Variants in KCNK9 observed in about 807,000 individuals in gnomAD.
The protein encoded by KCNK9 is potassium two pore domain channel subfamily K member 9.
Under a neutral mutation model 10.8 loss-of-function variants are expected in KCNK9, and 1 was observed. The ratio of observed to expected loss-of-function variants is 0.09; its 90% CI spans 0.03 to 0.44. The LOEUF (loss-of-function observed/expected upper bound fraction) is 0.44, where lower values mean the gene tolerates loss of function less well. Among genes scored for constraint, KCNK9 ranks in the 20% least tolerant of loss-of-function variants. KCNK9 has a pLI of 0.97. For missense variants in KCNK9, 303 were observed against 515.0 expected, an observed-to-expected ratio of 0.59 and a Z score of 3.98; for synonymous variants, 231 against 222.7, an observed-to-expected ratio of 1.04 and a Z score of -0.33.
chr8:139,687,863 C>A (rs1426063547), intron 1 of KCNK9, among the ~76,000 whole-genome samples: 1 of 151,654 alleles, frequency 6.6e-6, no homozygotes, highest in Non-Finnish European at 1.5e-5. Flanking sequence ...CCAGACATTT[C>A]ATTTACACAT....
chr8:139,662,664 G>GA (rs1303950580), intron 1 of KCNK9, among the ~76,000 whole-genome samples: 1 of 152,006 alleles, frequency 6.6e-6, no homozygotes, highest in Non-Finnish European at 1.5e-5. Context: ...TCCTGGCCTT[G>GA]AGGGAGGGTC....
rs765537225 is a variant in KCNK9, at chr8:139,702,376, G to A, written c.283+334C>T. 5.3e-5 allele frequency among the ~76,000 whole-genome samples: 8 copies of A among 151,710 alleles called. No homozygotes were observed. Among genetic ancestry groups the A allele is most frequent in the Non-Finnish European group, 1.2e-4 (8 of 67,850 alleles). On this transcript the variant is annotated intron_variant, in intron 1 of 1. Coordinates refer to ENST00000520439, the MANE Select transcript of KCNK9 (RefSeq NM_001282534.2). The surrounding 1 kb of genome is among the most constrained non-coding windows in gnomAD (Gnocchi z 7.5). ...CCAGCCCGCGCCGGGGCGGTGGGTG[G>A]GTGGGTGTCTGCTATGGGATTATTC...
At chr8:139,700,239 G>A (rs1406852295) in intron 1 of KCNK9, among the ~76,000 whole-genome samples, 1 of 152,198 alleles carries the variant, frequency 6.6e-6, no homozygotes, top group Non-Finnish European at 1.5e-5. Flanking sequence ...GCCACACTGT[G>A]CCTGGCAGCT....
At chr8:139,648,868 C>T (rs905318086) in intron 1 of KCNK9, among the ~76,000 whole-genome samples, 2 of 152,186 alleles carry the variant, frequency 1.3e-5, no homozygotes, top group Non-Finnish European at 2.9e-5. Context: ...ATTCCCATCC[C>T]CCCACTGCCT....
chr8:139,660,103 C>A (rs917819558), intron 1 of KCNK9, among the ~76,000 whole-genome samples: 1 of 152,022 alleles, frequency 6.6e-6, no homozygotes, highest in Non-Finnish European at 1.5e-5. Context: ...CTGGTCAGAA[C>A]TATTGTATTT....
At chr8:139,658,593 C>G (rs987609876) in intron 1 of KCNK9, among the ~76,000 whole-genome samples, 1 of 152,228 alleles carries the variant, frequency 6.6e-6, no homozygotes, top group African/African-American at 2.4e-5. Flanking sequence ...GGGGAGAGCA[C>G]AACCCCTGCC....
rs557068859 is a variant in KCNK9, at chr8:139,679,005, G to A, written c.283+23705C>T. On this transcript the variant is annotated intron_variant, in intron 1 of 1. Transcript: ENST00000520439. ...CTGAAAAGATGCATTTGCGGGTCTC[G>A]TTTTGGGGAGTTAGGGTTTGCTTTG... Among the ~76,000 whole-genome samples, 13 of 152,342 alleles carry A rather than the reference G, an allele frequency of 8.5e-5. No individual in the cohort carries two copies. In the South Asian group the frequency reaches 1.2e-3, roughly 15 times the overall value.
At chr8:139,655,602 C>T (rs922457014) in intron 1 of KCNK9, among the ~76,000 whole-genome samples, 1 of 152,166 alleles carries the variant, frequency 6.6e-6, no homozygotes, top group African/African-American at 2.4e-5. Flanking sequence ...CCCACAGCCA[C>T]CCTGTGAGAA....
At chr8:139,606,990 C>A (rs1411072318) in intron 2 of KCNK9, among the ~76,000 whole-genome samples, 1 of 152,172 alleles carries the variant, frequency 6.6e-6, no homozygotes, top group Non-Finnish European at 1.5e-5. Flanking sequence ...AACACACACA[C>A]ACAAAACGGC....
chr8:139,653,992 G>A (rs749355186), intron 1 of KCNK9, among the ~76,000 whole-genome samples: 17 of 152,234 alleles, frequency 1.1e-4, no homozygotes, highest in Non-Finnish European at 2.9e-5. Flanking sequence ...GCCCAGGATG[G>A]GCAAGTCCGT....
intron 1 of KCNK9, among the ~76,000 whole-genome samples, chr8:139,633,314 A>G (rs1815232406): frequency 6.6e-6 from 1 of 152,176 alleles, no homozygotes; most frequent in Admixed American, 6.5e-5. Context: ...TTATCTAACT[A>G]TAGTAAACAT....
intron 1 of KCNK9, among the ~76,000 whole-genome samples, chr8:139,692,799 G>A (rs1379449780): frequency 2.6e-5 from 4 of 152,110 alleles, no homozygotes; most frequent in South Asian, 2.1e-4. Context: ...GAATGCCCAT[G>A]CCCTGGCACC....
intron 1 of KCNK9, among the ~76,000 whole-genome samples, chr8:139,623,981 A>C (rs1411497026): frequency 1.3e-5 from 2 of 152,120 alleles, no homozygotes; most frequent in Admixed American, 6.5e-5. Flanking sequence ...TTGCCAACCC[A>C]CAACCGCCCC....
At chr8:139,679,779 G>A (rs1293154916) in intron 1 of KCNK9, among the ~76,000 whole-genome samples, 1 of 152,152 alleles carries the variant, frequency 6.6e-6, no homozygotes, top group South Asian at 2.1e-4. Context: ...AAACACAGGG[G>A]TCCAAGCCAA....
intron 1 of KCNK9, among the ~76,000 whole-genome samples, chr8:139,694,367 GAC>G (rs943413899): frequency 6.6e-6 from 1 of 152,196 alleles, no homozygotes; most frequent in African/African-American, 2.4e-5. Flanking sequence ...TCCTTACAAG[GAC>G]ACAAATTCTG....
chr8:139,687,446 A>T (rs138973071), intron 1 of KCNK9, among the ~76,000 whole-genome samples: 1 of 58,596 alleles, frequency 1.7e-5, no homozygotes, highest in African/African-American at 6.1e-5. Context: ...ATATATATGT[A>T]TACACATATA....
intron 1 of KCNK9, among the ~76,000 whole-genome samples, chr8:139,680,851 A>C (rs1365587854): frequency 6.6e-6 from 1 of 152,122 alleles, no homozygotes; most frequent in Non-Finnish European, 1.5e-5. Context: ...CCCAAGGTCT[A>C]GGGTGCAAAA....
chr8:139,620,983 C>T (rs955959959), intron 1 of KCNK9, among the ~76,000 whole-genome samples: 4 of 152,246 alleles, frequency 2.6e-5, no homozygotes, highest in Non-Finnish European at 5.9e-5. Context: ...AAATAATGGC[C>T]AAAAGTAGCC....
At chr8:139,622,439 G>A (rs1421947776) in intron 1 of KCNK9, among the ~76,000 whole-genome samples, 1 of 152,132 alleles carries the variant, frequency 6.6e-6, no homozygotes, top group African/African-American at 2.4e-5. Context: ...TTTCCAGTTG[G>A]GTCCATCCAA....
Sources: gnomAD v4.1 joint callset for allele counts (sites outside exome capture counted in the v4.1 genomes callset) on GRCh38, gnomAD v4.1.1 for gene constraint, Gnocchi (gnomAD v3.1) non-coding constraint, MANE v1.5 for transcripts, NCBI Gene and HGNC (gene_info 2026-07-23, HGNC 2026-07-21) for gene names.